Variants in SLC35D2 observed in about 807,000 individuals in gnomAD.
SLC35D2 encodes nucleotide sugar transporter SLC35D2.
A neutral mutation model predicts 41.8 loss-of-function variants in SLC35D2; 43 were observed. The observed-to-expected ratio is 1.03, with a 90% confidence interval of 0.81 to 1.33. The LOEUF is 1.33. Ranked by LOEUF, SLC35D2 falls within the 40% of genes most tolerant of loss-of-function variation. SLC35D2 has a pLI of 0.00. For synonymous variants in SLC35D2, 150 were observed against 163.9 expected, an observed-to-expected ratio of 0.92 and a Z score of 0.65; for missense variants, 380 against 408.4, an observed-to-expected ratio of 0.93 and a Z score of 0.60.
At chr9:96,334,609 G>C (rs992325335) in intron 9 of SLC35D2, among the ~76,000 whole-genome samples, 8 of 152,124 alleles carry the variant, frequency 5.3e-5, no homozygotes, top group African/African-American at 1.9e-4. Context: ...CTGGACTCCA[G>C]CCTGGGAGAC....
intron 6 of SLC35D2, among the ~76,000 whole-genome samples, chr9:96,349,881 A>G (rs956042907): frequency 6.6e-6 from 1 of 152,058 alleles, no homozygotes; most frequent in African/African-American, 2.4e-5. Flanking sequence ...TGTCTCCCTT[A>G]GCCCCTGGAG....
intron 8 of SLC35D2, among the ~76,000 whole-genome samples, chr9:96,338,353 A>G (rs10990609): frequency 0.67 from 101,724 of 152,008 alleles, 34,975 homozygotes; most frequent in East Asian, 0.87. Flanking sequence ...TCATTGTTTC[A>G]TGAGTAATGC....
chr9:96,320,895 C>T lies in SLC35D2; in HGVS notation c.*347G>A, dbSNP rs1048238414. On this transcript the variant is annotated 3_prime_UTR_variant, in exon 12 of 12. Coordinates refer to ENST00000253270, the MANE Select transcript of SLC35D2 (RefSeq NM_007001.3). The stretch of plus-strand genomic sequence containing the variant: ...TGGGAATCACGGCCAAGGTGCTGAT[C>T]AGAAAAGAGTCACCATTACATCAAC... 1.2e-5 allele frequency: 2 copies of T among 172,898 alleles called. No homozygotes were observed. The highest frequency in any genetic ancestry group is 4.7e-5 in the African/African-American group (2 of 42,186). 10.7% of individuals were successfully genotyped at this position (172,898 alleles called of 1,614,324 possible).
intron 1 of SLC35D2, among the ~76,000 whole-genome samples, chr9:96,373,187 T>C (rs530871659): frequency 6.6e-6 from 1 of 152,070 alleles, no homozygotes; most frequent in African/African-American, 2.4e-5. Context: ...GCATGAGCCA[T>C]CACCCCCGGC....
downstream of SLC35D2, among the ~76,000 whole-genome samples, chr9:96,316,326 C>T (rs1828052243): frequency 6.6e-6 from 1 of 152,000 alleles, no homozygotes; most frequent in Non-Finnish European, 1.5e-5. Context: ...CATGGTGAAA[C>T]CCCATCTCTA....
At position 96,321,286 on chromosome 9, in the gene SLC35D2, T is replaced by G; in HGVS notation, c.970A>C (p.Lys324Gln). 6.2e-7 allele frequency: 1 copy of G among 1,614,102 alleles called. No homozygotes were observed. Among genetic ancestry groups the G allele is most frequent in the Non-Finnish European group, 8.5e-7 (1 of 1,179,978 alleles). Reference protein sequence around the residue: ...FLTLSSQLKPKPVGEENICLD... With the variant: ...FLTLSSQLKPQPVGEENICLD... ...CAGATGTTTTCTTCACCCACAGGTT[T>G]AGGTTTTAACTGGCTGCTCAGTGTT... Residue 324 changes from lysine (K) to glutamine (Q), a missense_variant, in exon 12 of 12, where the codon AAA (lysine) becomes CAA (glutamine). Physicochemically the swap from Lys to Gln is moderately conservative, Grantham distance 53. Coordinates refer to ENST00000253270, the MANE Select transcript of SLC35D2 (RefSeq NM_007001.3).
intron 4 of SLC35D2, among the ~76,000 whole-genome samples, chr9:96,353,445 C>A (rs1399146133): frequency 1.3e-5 from 2 of 152,120 alleles, no homozygotes; most frequent in Admixed American, 6.6e-5. Context: ...TCCCCACCTC[C>A]CGGGTTCAAG....
chr9:96,352,855 T>A (rs1288557487), intron 4 of SLC35D2, among the ~76,000 whole-genome samples: 1 of 151,930 alleles, frequency 6.6e-6, no homozygotes, highest in Non-Finnish European at 1.5e-5. Flanking sequence ...CTGACCAACA[T>A]GGTGAAACCC....
At chr9:96,349,532 C>CT (rs112662298) in intron 6 of SLC35D2, among the ~76,000 whole-genome samples, 9,127 of 146,864 alleles carry the variant, frequency 0.062, 888 homozygotes, top group African/African-American at 0.21. Flanking sequence ...TTGTCAGTTC[C>CT]TTTTTTTTTT....
rs376945910 is a variant in SLC35D2 at position 96,345,279 on chromosome 9, C to G, written c.591+20G>C. 2.9e-6 allele frequency: 4 copies of G among 1,383,680 alleles called. No homozygotes were observed. Among genetic ancestry groups the G allele is most frequent in the African/African-American group, 1.5e-5 (1 of 68,900 alleles). 85.7% of individuals were successfully genotyped at this position (1,383,680 alleles called of 1,614,324 possible). A position where few individuals can be genotyped will look rare whatever the true frequency, so the allele number is the denominator to read the frequency against. ...GGGGCCAGATGACAGAGCCAAAAAG[C>G]CATAGGCAAGGTCTGGTACCTTTGG... On this transcript the variant is annotated intron_variant, in intron 7 of 11. Coordinates refer to ENST00000253270, the MANE Select transcript of SLC35D2 (RefSeq NM_007001.3).
At chr9:96,368,754 A>C (rs1163645682) in intron 1 of SLC35D2, among the ~76,000 whole-genome samples, 1 of 148,540 alleles carries the variant, frequency 6.7e-6, no homozygotes, top group African/African-American at 2.5e-5. Context: ...CTCTCTCTAC[A>C]TATATATATA....
intron 1 of SLC35D2, among the ~76,000 whole-genome samples, chr9:96,381,264 CCA>C (rs1831188452): frequency 6.6e-6 from 1 of 152,252 alleles, no homozygotes; most frequent in Non-Finnish European, 1.5e-5. Flanking sequence ...AACACAGCAG[CCA>C]CAGTGATTTA....
At chr9:96,339,948 AC>A (rs1829240477) in intron 8 of SLC35D2, among the ~76,000 whole-genome samples, 1 of 152,360 alleles carries the variant, frequency 6.6e-6, no homozygotes, top group Admixed American at 6.5e-5. Flanking sequence ...GTCCCAGTTA[AC>A]CAGGGAAAAT....
intron 3 of SLC35D2, among the ~76,000 whole-genome samples, chr9:96,363,823 A>T (rs1286360315): frequency 6.6e-6 from 1 of 152,224 alleles, no homozygotes; most frequent in Non-Finnish European, 1.5e-5. Context: ...GGCTACTTTC[A>T]TGGTACAGTG....
chr9:96,359,721 C>T (rs1292123512), intron 4 of SLC35D2, among the ~76,000 whole-genome samples: 1 of 151,968 alleles, frequency 6.6e-6, no homozygotes, highest in African/African-American at 2.4e-5. Flanking sequence ...AATGCAGATG[C>T]AAATTTCAGA....
chr9:96,369,561 T>A (rs1421257970), intron 1 of SLC35D2, among the ~76,000 whole-genome samples: 1 of 152,152 alleles, frequency 6.6e-6, no homozygotes, highest in Admixed American at 6.5e-5. Flanking sequence ...GATTGTGTGG[T>A]ATTTGCACAA....
intron 1 of SLC35D2, among the ~76,000 whole-genome samples, chr9:96,382,503 T>C (rs1831245966): frequency 2.0e-5 from 3 of 149,020 alleles, no homozygotes; most frequent in Non-Finnish European, 4.5e-5. Context: ...ACACTATATA[T>C]ATATATATAT....
At chr9:96,316,664 C>A (rs1392807461), downstream of SLC35D2, among the ~76,000 whole-genome samples, 3 of 152,170 alleles carry the variant, frequency 2.0e-5, no homozygotes, top group African/African-American at 7.2e-5. Flanking sequence ...CCACAGATTG[C>A]AGACAAAAGC....
chr9:96,317,556 C>T (rs7034641), downstream of SLC35D2, among the ~76,000 whole-genome samples: 80,810 of 151,586 alleles, frequency 0.53, 21,708 homozygotes, highest in African/African-American at 0.6. Flanking sequence ...GCTGGCCACA[C>T]GTGGAAGCAA....
Sources: allele counts gnomAD v4.1 joint callset (sites outside exome capture counted in the v4.1 genomes callset), GRCh38; gene constraint gnomAD v4.1.1; transcripts MANE v1.5; gene names NCBI Gene and HGNC (gene_info 2026-07-23, HGNC 2026-07-21).